CHL1: variants seen among roughly 807,000 people sequenced by gnomAD.
CHL1 encodes the protein neural cell adhesion molecule L1-like protein.
Under a neutral mutation model 141.9 loss-of-function variants are expected in CHL1, and 96 were observed. That is an observed-to-expected ratio of 0.68 (90% CI 0.57 to 0.80). The LOEUF (loss-of-function observed/expected upper bound fraction) is 0.80. Ranked by LOEUF, CHL1 falls within the 30% of genes least tolerant of loss-of-function variation. CHL1 has a pLI of 0.00. For synonymous variants in CHL1, 613 were observed against 502.2 expected (o/e 1.22, Z -2.95); for missense variants, 1,820 against 1,457.2 (o/e 1.25, Z -4.05).
chr3:328,897 C>A (rs1354386982), intron 5 of CHL1, among the ~76,000 whole-genome samples: 1 of 152,124 alleles, frequency 6.6e-6, no homozygotes, highest in Non-Finnish European at 1.5e-5. Flanking sequence ...ATGCAGGCAA[C>A]TCCTACTCAT....
chr3:273,710 A>G (rs1574927540), intron 2 of CHL1, among the ~76,000 whole-genome samples: 1 of 152,144 alleles, frequency 6.6e-6, no homozygotes. Context: ...ATAAGGGTAT[A>G]TATCTCTTAT....
At chr3:354,409 A>T (rs1417586024) in intron 10 of CHL1, among the ~76,000 whole-genome samples, 1 of 140,636 alleles carries the variant, frequency 7.1e-6, no homozygotes, top group Non-Finnish European at 1.5e-5. Flanking sequence ...TGTATGATAC[A>T]TGCTGAGTCC....
chr3:247,416 C>A (rs1207102754), intron 2 of CHL1: 1 of 152,052 alleles, frequency 6.6e-6, no homozygotes, highest in African/African-American at 2.4e-5. Context: ...GTCTCATGAA[C>A]ACATCTTTGA....
chr3:205,294 T>A (rs1330490287), intron 1 of CHL1, among the ~76,000 whole-genome samples: 1 of 151,978 alleles, frequency 6.6e-6, no homozygotes, highest in African/African-American at 2.4e-5. Context: ...AAATCTTTTT[T>A]GTAAAGGTGA....
chr3:372,793 G>C (rs1705804615), intron 15 of CHL1, among the ~76,000 whole-genome samples: 1 of 150,740 alleles, frequency 6.6e-6, no homozygotes, highest in Non-Finnish European at 1.5e-5. Context: ...AGATTTTGTT[G>C]TTGATGCTGT....
At chr3:299,963 C>T (rs774091953) in intron 2 of CHL1, among the ~76,000 whole-genome samples, 9 of 152,072 alleles carry the variant, frequency 5.9e-5, no homozygotes, top group Non-Finnish European at 8.8e-5. Context: ...AGTTGTTGGC[C>T]GCCTCTCCCT....
At chr3:389,858 G>C (rs1708077804) in intron 20 of CHL1, among the ~76,000 whole-genome samples, 2 of 152,100 alleles carry the variant, frequency 1.3e-5, no homozygotes, top group Admixed American at 1.3e-4. Flanking sequence ...CTCATGCCCT[G>C]GGCTTCAGTG....
intron 26 of CHL1, among the ~76,000 whole-genome samples, chr3:399,507 G>A (rs554449282): frequency 1.1e-4 from 17 of 152,226 alleles, no homozygotes; most frequent in Middle Eastern, 3.4e-3. Context: ...GGGCATGGTG[G>A]CAGCTGCCTG....
intron 2 of CHL1, among the ~76,000 whole-genome samples, chr3:306,958 G>T (rs181370051): frequency 9.2e-5 from 14 of 152,106 alleles, no homozygotes; most frequent in Non-Finnish European, 2.1e-4. Flanking sequence ...GTTGGAATTC[G>T]TACTTTAAAT....
intron 5 of CHL1, among the ~76,000 whole-genome samples, chr3:334,793 T>C (rs1448435794): frequency 6.6e-6 from 1 of 152,216 alleles, no homozygotes; most frequent in African/African-American, 2.4e-5. Flanking sequence ...CTATCAATTG[T>C]CATATGTATT....
intron 15 of CHL1, among the ~76,000 whole-genome samples, chr3:366,883 G>T (rs897951291): frequency 2.5e-4 from 38 of 152,172 alleles, no homozygotes; most frequent in Admixed American, 2.5e-3. Flanking sequence ...ACCACTGTCT[G>T]CTCCCACTGG....
chr3:386,354 C>T (rs1460624311), intron 19 of CHL1, among the ~76,000 whole-genome samples: 2 of 152,080 alleles, frequency 1.3e-5, no homozygotes, highest in Non-Finnish European at 2.9e-5. Context: ...AGTAACATTA[C>T]AATTTAACTT....
intron 1 of CHL1, among the ~76,000 whole-genome samples, chr3:240,182 A>T (rs1205511597): frequency 6.6e-6 from 1 of 152,186 alleles, no homozygotes; most frequent in East Asian, 1.9e-4. Flanking sequence ...TGTTTTCCAT[A>T]GTGGTTGTGC....
At position 325,942 on chromosome 3, in the gene CHL1, C is replaced by G. The variant is rs769645099; in HGVS notation, c.92-17C>G. Reference sequence around the variant, plus strand: ...TGTTTGAATAGTGTGTTTTTAAGTACATATTTTAATATTTAGTTCAACAGG... The same window carrying G: ...TGTTTGAATAGTGTGTTTTTAAGTAGATATTTTAATATTTAGTTCAACAGG... On this transcript the variant is annotated splice_polypyrimidine_tract_variant and intron_variant, in intron 3 of 27. Coordinates refer to ENST00000256509, the MANE Select transcript of CHL1 (RefSeq NM_006614.4). 19 of 1,564,578 alleles carry G rather than the reference C, an allele frequency of 1.2e-5. No individual in the cohort carries two copies. Among genetic ancestry groups the G allele is most frequent in the Admixed American group, 6.8e-5 (4 of 58,656 alleles).
intron 26 of CHL1, 83 bp from the exon 27 acceptor site, chr3:401,543 A>C: frequency 2.6e-6 from 2 of 768,346 alleles, no homozygotes; most frequent in Non-Finnish European, 4.3e-6. Context: ...GTTCTTACTG[A>C]CTATTAACTA....
intron 1 of CHL1, among the ~76,000 whole-genome samples, chr3:227,556 T>A (rs780090782): frequency 2.4e-4 from 36 of 152,148 alleles, no homozygotes; most frequent in Non-Finnish European, 3.7e-4. Flanking sequence ...TGCATAGAAA[T>A]CAAAAGTGAT....
At chr3:244,000 C>T (rs1447156980) in intron 1 of CHL1, among the ~76,000 whole-genome samples, 1 of 152,116 alleles carries the variant, frequency 6.6e-6, no homozygotes, top group Admixed American at 6.6e-5. Context: ...CTTGAGACAC[C>T]TGGGAATGAA....
rs546381790 is a variant in CHL1, at chr3:228,666, G to C, written c.-174-15947G>C. On this transcript the variant is annotated intron_variant, in intron 1 of 27. Transcript: ENST00000256509. ...GTGTTATCGCAGCAATTTTATAATG[G>C]CTCATTAACCCCTGTGAGAGGCCAG... 1.7e-4 allele frequency among the ~76,000 whole-genome samples: 26 copies of C among 152,214 alleles called. No homozygotes were observed. In the South Asian group the frequency reaches 5.4e-3, roughly 32 times the overall value.
chr3:355,083 C>G (rs1208357753), intron 11 of CHL1, among the ~76,000 whole-genome samples: 2 of 152,040 alleles, frequency 1.3e-5, no homozygotes, highest in Non-Finnish European at 2.9e-5. Flanking sequence ...AATTATTGTT[C>G]CTGTCCCTGA....
Sources: gnomAD v4.1 joint callset for allele counts (sites outside exome capture counted in the v4.1 genomes callset) on GRCh38, gnomAD v4.1.1 for gene constraint, MANE v1.5 for transcripts, NCBI Gene and HGNC (gene_info 2026-07-23, HGNC 2026-07-21) for gene names.